The following CLDN10 variants were observed in gnomAD, a reference collection of about 807,000 sequenced individuals.
The protein encoded by CLDN10 is claudin-10.
CLDN10 carries 15 observed loss-of-function variants against 22.9 expected under a neutral mutation model. The ratio of observed to expected loss-of-function variants is 0.65; its 90% CI spans 0.44 to 1.01. CLDN10 has a LOEUF of 1.01. CLDN10 is among the 50% of genes least tolerant of loss of function. The pLI is 0.00. For synonymous variants in CLDN10, 114 were observed against 111.4 expected (o/e 1.02, Z -0.15); for missense variants, 247 against 287.8 (o/e 0.86, Z 1.03).
At chr13:95,505,225 C>T (rs1594571426) in intron 1 of CLDN10, among the ~76,000 whole-genome samples, 1 of 152,288 alleles carries the variant, frequency 6.6e-6, no homozygotes, top group East Asian at 1.9e-4. Flanking sequence ...AGGTTCTGAG[C>T]GTCCACAGGG....
intron 1 of CLDN10, among the ~76,000 whole-genome samples, chr13:95,460,457 C>G (rs4294658): frequency 0.3 from 45,554 of 151,964 alleles, 8,414 homozygotes; most frequent in Non-Finnish European, 0.41. Context: ...AAGGCCTCAG[C>G]AAACTTACAA....
chr13:95,451,772 G>A (rs956863053), intron 1 of CLDN10, among the ~76,000 whole-genome samples: 4 of 152,210 alleles, frequency 2.6e-5, no homozygotes, highest in Non-Finnish European at 5.9e-5. Context: ...TGTATGTTGA[G>A]TTACTGCAGA....
At chr13:95,528,296 C>G (rs2043306430) in intron 1 of CLDN10, among the ~76,000 whole-genome samples, 2 of 152,140 alleles carry the variant, frequency 1.3e-5, no homozygotes, top group Non-Finnish European at 2.9e-5. Context: ...AGGGGTTTCC[C>G]CTTTCACTTG....
chr13:95,560,527 C>T, intron 3 of CLDN10, 64 bp downstream of exon 3: 1 of 1,285,272 alleles, frequency 7.8e-7, no homozygotes, highest in Non-Finnish European at 1.1e-6. Flanking sequence ...TATTCTCAAC[C>T]AAGAGACATG....
chr13:95,563,093 CCA>C (rs1491077705), intron 3 of CLDN10, among the ~76,000 whole-genome samples: 7 of 74,400 alleles, frequency 9.4e-5, no homozygotes, highest in South Asian at 9.5e-4. Flanking sequence ...CTCTGCCTAC[CCA>C]CTCTCTCTCT....
exon 1 of CLDN10, chr13:95,433,948 A>C (rs199739747): frequency 6.2e-7 from 1 of 1,614,192 alleles, no homozygotes; most frequent in Non-Finnish European, 8.5e-7. Flanking sequence ...CTCGGTGATA[A>C]CAGCCACTTG....
chr13:95,517,111 T>TTTC (rs2043177065), intron 1 of CLDN10, among the ~76,000 whole-genome samples: 1 of 147,350 alleles, frequency 6.8e-6, no homozygotes, highest in Non-Finnish European at 1.5e-5. Context: ...GCCCTCCCTC[T>TTTC]CTTCCTTTCT....
At chr13:95,519,497 T>C (rs889023834) in intron 1 of CLDN10, among the ~76,000 whole-genome samples, 13 of 152,234 alleles carry the variant, frequency 8.5e-5, no homozygotes, top group Non-Finnish European at 1.9e-4. Flanking sequence ...CAGCAGTTGA[T>C]CAACCTAGAT....
chr13:95,458,084 A>G (rs749233268), intron 1 of CLDN10, among the ~76,000 whole-genome samples: 3 of 152,116 alleles, frequency 2.0e-5, no homozygotes, highest in Non-Finnish European at 2.9e-5. Flanking sequence ...GTTCTGCTCT[A>G]CCTGTCTACC....
At chr13:95,472,029 C>T (rs2042639183) in intron 1 of CLDN10, among the ~76,000 whole-genome samples, 1 of 151,064 alleles carries the variant, frequency 6.6e-6, no homozygotes, top group Admixed American at 6.6e-5. Flanking sequence ...AGCGATCCTC[C>T]AGCCTCAGCC....
intron 1 of CLDN10, among the ~76,000 whole-genome samples, chr13:95,458,556 C>A (rs570723197): frequency 6.6e-6 from 1 of 152,110 alleles, no homozygotes; most frequent in East Asian, 1.9e-4. Flanking sequence ...GGGGGAAGAA[C>A]CTCTTATAAA....
intron 1 of CLDN10, among the ~76,000 whole-genome samples, chr13:95,500,403 G>T (rs2042973210): frequency 6.6e-6 from 1 of 152,190 alleles, no homozygotes; most frequent in Non-Finnish European, 1.5e-5. Flanking sequence ...AGGAAGGAGA[G>T]TGCGCCTGGC....
chr13:95,456,973 T>C (rs112833548), intron 1 of CLDN10, among the ~76,000 whole-genome samples: 2,356 of 152,234 alleles, frequency 0.015, 71 homozygotes, highest in African/African-American at 0.054. Context: ...GTAAGACAGA[T>C]GGAGTCTCTG....
intron 1 of CLDN10, among the ~76,000 whole-genome samples, chr13:95,497,615 A>C (rs184259332): frequency 6.6e-6 from 1 of 152,304 alleles, no homozygotes; most frequent in East Asian, 1.9e-4. Flanking sequence ...AACCATACCT[A>C]CCTCACCAAA....
chr13:95,439,430 G>A (rs2042304017), intron 1 of CLDN10, among the ~76,000 whole-genome samples: 1 of 151,758 alleles, frequency 6.6e-6, no homozygotes, highest in East Asian at 1.9e-4. Context: ...TGCCTCCCAG[G>A]TTAAGCGATT....
chr13:95,449,736 TA>T (rs2042414759), intron 1 of CLDN10, among the ~76,000 whole-genome samples: 1 of 124,518 alleles, frequency 8.0e-6, no homozygotes, highest in African/African-American at 3.3e-5. Context: ...AGCTAATTTT[TA>T]AATTTTTTTT....
chr13:95,478,878 C>A (rs932113224), intron 1 of CLDN10, among the ~76,000 whole-genome samples: 1 of 152,204 alleles, frequency 6.6e-6, no homozygotes, highest in African/African-American at 2.4e-5. Flanking sequence ...TCACAAGGAG[C>A]CTCAGGGAGT....
chr13:95,473,139 CAAAA>C (rs765295179), intron 1 of CLDN10, among the ~76,000 whole-genome samples: 66 of 58,782 alleles, frequency 1.1e-3, no homozygotes, highest in African/African-American at 2.9e-3. Context: ...AAACCTATCT[CAAAA>C]AAAAAAAAAA....
At chr13:95,523,997 CATATTTAAG>C (rs2043249110) in intron 1 of CLDN10, among the ~76,000 whole-genome samples, 1 of 151,954 alleles carries the variant, frequency 6.6e-6, no homozygotes, top group Non-Finnish European at 1.5e-5. Flanking sequence ...TTTCATTTAA[CATATTTAAG>C]ATATAATTTC....
Sources: allele counts gnomAD v4.1 joint callset (sites outside exome capture counted in the v4.1 genomes callset), GRCh38; gene constraint gnomAD v4.1.1; transcripts MANE v1.5; gene names NCBI Gene and HGNC (gene_info 2026-07-23, HGNC 2026-07-21).